FARS2: variants seen among roughly 807,000 people sequenced by gnomAD.
The protein encoded by FARS2 is phenylalanyl-tRNA synthetase 2, mitochondrial.
FARS2 carries 40 observed loss-of-function variants against 46.4 expected under a neutral mutation model. The ratio of observed to expected loss-of-function variants is 0.86; its 90% confidence interval spans 0.67 to 1.12. FARS2 has a LOEUF of 1.12. Ranked by LOEUF, FARS2 falls within the 50% of genes most tolerant of loss-of-function variation. The probability of loss-of-function intolerance (pLI) is 0.00; values close to 1 mark genes in which losing one functional copy is unlikely to be tolerated. For synonymous variants in FARS2, 234 were observed against 214.9 expected (o/e 1.09, Z -0.78); for missense variants, 513 against 567.9 (o/e 0.90, Z 0.98).
intron 6 of FARS2, among the ~76,000 whole-genome samples, chr6:5,714,490 G>A (rs757962865): frequency 1.3e-5 from 2 of 152,110 alleles, no homozygotes; most frequent in Non-Finnish European, 2.9e-5. Context: ...AGCTCTTGCT[G>A]CTACTCCTAC....
intron 6 of FARS2, among the ~76,000 whole-genome samples, chr6:5,689,168 A>AT (rs1451387553): frequency 7.9e-5 from 12 of 152,024 alleles, no homozygotes; most frequent in African/African-American, 2.4e-4. Flanking sequence ...GGGTTCATTG[A>AT]TTTTTTGAAG....
intron 1 of FARS2, among the ~76,000 whole-genome samples, chr6:5,317,324 C>G (rs955906800): frequency 2.6e-5 from 4 of 152,170 alleles, no homozygotes; most frequent in Non-Finnish European, 4.4e-5. Flanking sequence ...AGAGACAGGG[C>G]AGCCCACAGG....
At position 5,680,387 on chromosome 6, in the gene FARS2, T is replaced by C. The variant is rs922600373; in HGVS notation, c.1217+67067T>C. Among the ~76,000 whole-genome samples the C allele has an allele frequency of 1.3e-5, 2 of 152,194 alleles. 1 individual carries two copies. Among genetic ancestry groups the C allele is most frequent in the South Asian group, 4.1e-4 (2 of 4,828 alleles). On this transcript the variant is annotated intron_variant, in intron 6 of 6. Transcript: ENST00000274680. ...TGGGCAGCTGTCACCTGCCATTGTTTATCCACAGGGCCAGCTAGAAAAGGA... is the reference window on the plus strand; with the variant it reads ...TGGGCAGCTGTCACCTGCCATTGTTCATCCACAGGGCCAGCTAGAAAAGGA...
intron 4 of FARS2, among the ~76,000 whole-genome samples, chr6:5,502,664 T>C (rs1274084422): frequency 1.3e-5 from 2 of 152,256 alleles, no homozygotes; most frequent in Non-Finnish European, 2.9e-5. Context: ...GCAGCATTTT[T>C]GCATATTGTT....
intron 1 of FARS2, among the ~76,000 whole-genome samples, chr6:5,365,791 A>G (rs149007523): frequency 2.0e-5 from 3 of 152,318 alleles, no homozygotes; most frequent in Non-Finnish European, 4.4e-5. Flanking sequence ...ATTGATTAAC[A>G]CATATTTTGT....
intron 4 of FARS2, among the ~76,000 whole-genome samples, chr6:5,495,126 A>G (rs9405271): frequency 0.22 from 33,459 of 152,078 alleles, 3,875 homozygotes; most frequent in East Asian, 0.4. Flanking sequence ...TCCCTTTTAG[A>G]TAATAAAATC....
intron 2 of FARS2, among the ~76,000 whole-genome samples, chr6:5,399,247 G>A (rs555124242): frequency 1.3e-5 from 2 of 150,708 alleles, no homozygotes; most frequent in South Asian, 2.1e-4. Context: ...TGATGTAGGC[G>A]CACTGCAATT....
At chr6:5,405,477 G>GTTTTT (rs1554181324) in intron 3 of FARS2, among the ~76,000 whole-genome samples, 2 of 93,170 alleles carry the variant, frequency 2.1e-5, no homozygotes, top group Admixed American at 1.1e-4. Context: ...GTGGAGCAAG[G>GTTTTT]TTCTTTTTTT....
chr6:5,597,336 C>T (rs1774257364), intron 5 of FARS2, among the ~76,000 whole-genome samples: 1 of 152,174 alleles, frequency 6.6e-6, no homozygotes. Context: ...TTTGCCAAGA[C>T]AGCTGGGTCT....
chr6:5,361,510 A>G (rs1243431542), intron 1 of FARS2, among the ~76,000 whole-genome samples: 2 of 152,234 alleles, frequency 1.3e-5, no homozygotes, highest in African/African-American at 2.4e-5. Flanking sequence ...GGTTGCGCCA[A>G]TGACACCCTC....
At chr6:5,482,100 G>A (rs2552291) in intron 4 of FARS2, among the ~76,000 whole-genome samples, 107,478 of 151,448 alleles carry the variant, frequency 0.71, 38,833 homozygotes, top group African/African-American at 0.86. Flanking sequence ...ATAAGTAAAT[G>A]GTAATATCTA....
At chr6:5,730,608 T>C (rs1561826446) in intron 6 of FARS2, among the ~76,000 whole-genome samples, 1 of 152,142 alleles carries the variant, frequency 6.6e-6, no homozygotes, top group Non-Finnish European at 1.5e-5. Flanking sequence ...TCAGTTAATA[T>C]GTCCGAGCCC....
At chr6:5,610,192 TAGAC>T (rs3833656) in intron 5 of FARS2, 30,741 of 721,126 alleles carry the variant, frequency 0.043, 3,407 homozygotes, top group East Asian at 0.36. Context: ...GACTCTGACT[TAGAC>T]AGGACGGCAG....
chr6:5,451,365 G>A (rs184237357), intron 4 of FARS2, among the ~76,000 whole-genome samples: 62 of 152,094 alleles, frequency 4.1e-4, no homozygotes, highest in African/African-American at 1.3e-3. Context: ...ATTGCATTAC[G>A]TTTCATGAAA....
intron 5 of FARS2, among the ~76,000 whole-genome samples, chr6:5,557,664 T>A (rs1225547399): frequency 6.6e-6 from 1 of 152,166 alleles, no homozygotes; most frequent in African/African-American, 2.4e-5. Flanking sequence ...GATGGTCACT[T>A]ATGAAATGGA....
intron 4 of FARS2, among the ~76,000 whole-genome samples, chr6:5,472,116 A>G (rs1001804497): frequency 5.3e-5 from 8 of 152,188 alleles, no homozygotes; most frequent in Non-Finnish European, 8.8e-5. Context: ...GCTGCCTGAC[A>G]TATCCCTGGA....
At chr6:5,322,564 T>G (rs1240783782) in intron 1 of FARS2, among the ~76,000 whole-genome samples, 1 of 152,176 alleles carries the variant, frequency 6.6e-6, no homozygotes, top group African/African-American at 2.4e-5. Context: ...CATGTATTCT[T>G]TTTCTTTTTT....
intron 4 of FARS2, among the ~76,000 whole-genome samples, chr6:5,458,419 C>G (rs537903814): frequency 2.0e-5 from 3 of 152,288 alleles, no homozygotes; most frequent in Admixed American, 2.0e-4. Flanking sequence ...TGTCCAGCCC[C>G]TTGGCCAGCC....
intron 4 of FARS2, among the ~76,000 whole-genome samples, chr6:5,443,799 G>A (rs17140466): frequency 0.013 from 2,043 of 152,294 alleles, 40 homozygotes; most frequent in African/African-American, 0.046. Flanking sequence ...TCAGCTTACC[G>A]AGGGCTCATA....
Sources: gnomAD v4.1 joint callset for allele counts (sites outside exome capture counted in the v4.1 genomes callset) on GRCh38, gnomAD v4.1.1 for gene constraint, MANE v1.5 for transcripts, NCBI Gene and HGNC (gene_info 2026-07-23, HGNC 2026-07-21) for gene names.